Variants in DLG2 observed in about 807,000 individuals in gnomAD.
DLG2 encodes the protein disks large homolog 2.
A neutral mutation model predicts 132.5 loss-of-function variants in DLG2; 45 were observed. The ratio of observed to expected loss-of-function variants is 0.34; its 90% CI spans 0.27 to 0.44. The LOEUF is 0.44. Ranked by LOEUF, DLG2 falls within the 20% of genes least tolerant of loss-of-function variation. DLG2 has a pLI of 1.00. For synonymous variants in DLG2, 424 were observed against 419.6 expected (o/e 1.01, Z -0.13); for missense variants, 1,045 against 1,196.9 (o/e 0.87, Z 1.87).
intron 15 of DLG2, among the ~76,000 whole-genome samples, chr11:83,879,656 C>T (rs2065662949): frequency 6.6e-6 from 1 of 152,116 alleles, no homozygotes; most frequent in Non-Finnish European, 1.5e-5. Flanking sequence ...GGATAGTCCT[C>T]CAGTTGTTTC....
At chr11:84,693,967 T>TGATTAATG (rs1447511343) in intron 6 of DLG2, among the ~76,000 whole-genome samples, 1 of 151,684 alleles carries the variant, frequency 6.6e-6, no homozygotes, top group Non-Finnish European at 1.5e-5. Context: ...CATGGCGCCA[T>TGATTAATG]GATTAATGCT....
chr11:83,927,633 C>A (rs1258034409), intron 15 of DLG2, among the ~76,000 whole-genome samples: 1 of 152,096 alleles, frequency 6.6e-6, no homozygotes, highest in Admixed American at 6.6e-5. Context: ...TCATGCAGAG[C>A]CTGGATGCTA....
chr11:83,583,887 A>C (rs1186250958), intron 19 of DLG2, among the ~76,000 whole-genome samples: 1 of 152,204 alleles, frequency 6.6e-6, no homozygotes, highest in Non-Finnish European at 1.5e-5. Context: ...AGATGTTTTG[A>C]CACATCTATT....
chr11:83,588,363 A>G (rs2097129500), intron 19 of DLG2, among the ~76,000 whole-genome samples: 1 of 151,852 alleles, frequency 6.6e-6, no homozygotes, highest in South Asian at 2.1e-4. Flanking sequence ...GGCACCCCCC[A>G]GCAGGGGCAC....
rs143551306 is a variant in DLG2 at position 83,858,096 on chromosome 11, C to T, written c.1565+16324G>A. On this transcript the variant is annotated intron_variant, in intron 16 of 27. Coordinates refer to ENST00000376104, the MANE Select transcript of DLG2 (RefSeq NM_001142699.3). ...AGGGTGGTTAAGAGATGAAGACATT[C>T]GATCTAGCACAATGAAGCTGGGGCA... Among the ~76,000 whole-genome samples the T allele has an allele frequency of 2.6e-4, 40 of 152,244 alleles. 1 individual carries two copies. The highest frequency in any genetic ancestry group is 1.5e-3 in the East Asian group (8 of 5,162).
intron 3 of DLG2, among the ~76,000 whole-genome samples, chr11:85,529,464 T>A (rs2075035486): frequency 6.6e-6 from 1 of 152,160 alleles, no homozygotes; most frequent in Non-Finnish European, 1.5e-5. Flanking sequence ...TCTTGTTCAC[T>A]TGCTACAAGA....
chr11:85,488,880 GA>G (rs2093493297), intron 3 of DLG2, among the ~76,000 whole-genome samples: 1 of 151,868 alleles, frequency 6.6e-6, no homozygotes, highest in Non-Finnish European at 1.5e-5. Context: ...GGAAGTGATG[GA>G]ACAACATTCA....
intron 14 of DLG2, among the ~76,000 whole-genome samples, chr11:83,940,982 T>C (rs1190399698): frequency 6.6e-6 from 1 of 152,258 alleles, no homozygotes; most frequent in Non-Finnish European, 1.5e-5. Context: ...TCTCTTGTCA[T>C]GTCTGTGGAT....
chr11:84,867,187 CAT>C (rs756322626), intron 6 of DLG2, among the ~76,000 whole-genome samples: 2 of 152,172 alleles, frequency 1.3e-5, no homozygotes, highest in Admixed American at 1.3e-4. Flanking sequence ...GTGAGAGACA[CAT>C]ACAGAAACAA....
At chr11:84,016,027 C>T (rs2095162523) in intron 11 of DLG2, among the ~76,000 whole-genome samples, 2 of 152,146 alleles carry the variant, frequency 1.3e-5, no homozygotes, top group Non-Finnish European at 2.9e-5. Context: ...TTTTTCTCCA[C>T]AGCCTCATCA....
intron 3 of DLG2, among the ~76,000 whole-genome samples, chr11:85,507,897 G>T (rs1410374933): frequency 6.6e-6 from 1 of 152,074 alleles, no homozygotes; most frequent in Admixed American, 6.6e-5. Flanking sequence ...TGGAGGCTTT[G>T]TTCATTTCTT....
intron 18 of DLG2, among the ~76,000 whole-genome samples, chr11:83,639,595 C>T (rs753691949): frequency 9.5e-5 from 8 of 84,004 alleles, no homozygotes; most frequent in South Asian, 4.5e-4. Flanking sequence ...CATCACATAC[C>T]GGGGCCTGTT....
At chr11:84,060,969 T>C (rs928344462) in intron 10 of DLG2, among the ~76,000 whole-genome samples, 9 of 152,198 alleles carry the variant, frequency 5.9e-5, no homozygotes, top group Non-Finnish European at 1.2e-4. Context: ...GATTCTCTCT[T>C]GTTACCTTTC....
chr11:85,125,309 G>A (rs1344777307), intron 5 of DLG2, among the ~76,000 whole-genome samples: 1 of 152,126 alleles, frequency 6.6e-6, no homozygotes, highest in Non-Finnish European at 1.5e-5. Flanking sequence ...GAATCAAAAA[G>A]GGCTAATGTT....
chr11:83,881,394 T>C (rs1381917015), intron 15 of DLG2, among the ~76,000 whole-genome samples: 1 of 152,176 alleles, frequency 6.6e-6, no homozygotes, highest in East Asian at 1.9e-4. Context: ...TTGATCTAGA[T>C]TTTAAGTTTG....
intron 6 of DLG2, among the ~76,000 whole-genome samples, chr11:85,096,865 G>C (rs186160400): frequency 2.0e-5 from 3 of 152,268 alleles, no homozygotes. Context: ...CGGGTGTCAG[G>C]CTATCTGGGA....
intron 6 of DLG2, among the ~76,000 whole-genome samples, chr11:85,093,200 T>C (rs181574703): frequency 6.6e-6 from 1 of 152,340 alleles, no homozygotes; most frequent in East Asian, 1.9e-4. Context: ...CCGGGCTTGT[T>C]GAAATATATT....
chr11:84,743,948 AC>A, intron 6 of DLG2, among the ~76,000 whole-genome samples: 1 of 151,192 alleles, frequency 6.6e-6, no homozygotes, highest in South Asian at 2.1e-4. Flanking sequence ...CTGGTCTTGA[AC>A]TCCTGACCTC....
intron 6 of DLG2, among the ~76,000 whole-genome samples, chr11:84,825,414 T>C (rs1325986775): frequency 6.6e-6 from 1 of 151,922 alleles, no homozygotes; most frequent in African/African-American, 2.4e-5. Flanking sequence ...GTTCTTGACT[T>C]AATAAGATCC....
Sources: allele counts gnomAD v4.1 joint callset (sites outside exome capture counted in the v4.1 genomes callset), GRCh38; gene constraint gnomAD v4.1.1; transcripts MANE v1.5; gene names NCBI Gene and HGNC (gene_info 2026-07-23, HGNC 2026-07-21).